THSD4: variants seen among roughly 807,000 people sequenced by gnomAD.
THSD4 encodes the protein thrombospondin type-1 domain-containing protein 4.
In THSD4, 69 loss-of-function variants were observed where a neutral mutation model predicts 119.0. The ratio of observed to expected loss-of-function variants is 0.58; its 90% CI spans 0.48 to 0.71. THSD4 has a LOEUF of 0.71. Among genes scored for constraint, THSD4 ranks in the 30% least tolerant of loss-of-function variants. The pLI is 0.00. For synonymous variants in THSD4, 524 were observed against 540.4 expected, an observed-to-expected ratio of 0.97 and a Z score of 0.42; for missense variants, 1,393 against 1,391.1, an observed-to-expected ratio of 1.00 and a Z score of -0.02.
chr15:71,365,810 A>G (rs2045954431), intron 6 of THSD4, among the ~76,000 whole-genome samples: 1 of 152,172 alleles, frequency 6.6e-6, no homozygotes, highest in African/African-American at 2.4e-5. Flanking sequence ...TTGAAAACTC[A>G]GGTAGTCTCA....
intron 7 of THSD4, among the ~76,000 whole-genome samples, chr15:71,611,491 C>T (rs545538448): frequency 2.0e-5 from 3 of 152,208 alleles, no homozygotes; most frequent in Non-Finnish European, 2.9e-5. Context: ...ACAGTGAAAA[C>T]GCTACAGTGC....
chr15:71,295,542 G>A (rs991147921), intron 6 of THSD4, among the ~76,000 whole-genome samples: 6 of 152,258 alleles, frequency 3.9e-5, no homozygotes, highest in African/African-American at 1.4e-4. Context: ...AGGCAATCTG[G>A]CTCTGTATGA....
chr15:71,718,742 A>C (rs1385136652), intron 8 of THSD4, among the ~76,000 whole-genome samples: 1 of 151,944 alleles, frequency 6.6e-6, no homozygotes, highest in Non-Finnish European at 1.5e-5. Context: ...GTCTTTGTCC[A>C]TGCCATTCTT....
chr15:71,236,957 A>ATTAT (rs1334300842), intron 4 of THSD4, among the ~76,000 whole-genome samples: 1 of 152,228 alleles, frequency 6.6e-6, no homozygotes, highest in Non-Finnish European at 1.5e-5. Flanking sequence ...TGACTAGGTC[A>ATTAT]TTATTTTGGG....
At chr15:71,422,819 C>T (rs571482600) in intron 7 of THSD4, among the ~76,000 whole-genome samples, 26 of 152,276 alleles carry the variant, frequency 1.7e-4, no homozygotes, top group African/African-American at 5.1e-4. Flanking sequence ...AAATACCATT[C>T]GGGAGCCAGG....
At chr15:71,619,884 A>C (rs968350341) in intron 7 of THSD4, among the ~76,000 whole-genome samples, 1 of 152,200 alleles carries the variant, frequency 6.6e-6, no homozygotes, top group African/African-American at 2.4e-5. Flanking sequence ...ACGTTGTTTA[A>C]CTATTTCTTA....
At chr15:71,123,961 A>G (rs1169032865) in intron 1 of THSD4, among the ~76,000 whole-genome samples, 4 of 152,138 alleles carry the variant, frequency 2.6e-5, no homozygotes, top group African/African-American at 9.7e-5. Flanking sequence ...CACATTGCAC[A>G]GTGGGCTCAC....
chr15:71,758,927 T>G (rs1436389971), intron 15 of THSD4, among the ~76,000 whole-genome samples: 1 of 152,214 alleles, frequency 6.6e-6, no homozygotes, highest in East Asian at 1.9e-4. Flanking sequence ...AATGTTCCTT[T>G]GCCTTAACCC....
intron 4 of THSD4, among the ~76,000 whole-genome samples, chr15:71,216,269 T>C (rs746512727): frequency 6.6e-6 from 1 of 152,374 alleles, no homozygotes; most frequent in African/African-American, 2.4e-5. Flanking sequence ...GTAATTCATT[T>C]GTCAAGCCCT....
intron 7 of THSD4, among the ~76,000 whole-genome samples, chr15:71,457,134 A>G (rs2047350809): frequency 6.6e-6 from 1 of 152,132 alleles, no homozygotes; most frequent in African/African-American, 2.4e-5. Context: ...CAATCCCAGC[A>G]ATTTGGGAGG....
chr15:71,580,640 A>G (rs1567046324), intron 7 of THSD4, among the ~76,000 whole-genome samples: 1 of 152,102 alleles, frequency 6.6e-6, no homozygotes, highest in Non-Finnish European at 1.5e-5. Context: ...CATCTCTCCA[A>G]CATGAAGTTC....
intron 7 of THSD4, among the ~76,000 whole-genome samples, chr15:71,597,683 C>T (rs2049930303): frequency 6.6e-6 from 1 of 152,158 alleles, no homozygotes; most frequent in Non-Finnish European, 1.5e-5. Flanking sequence ...TGCATATGTC[C>T]CACCCCCAAG....
intron 6 of THSD4, among the ~76,000 whole-genome samples, chr15:71,260,569 T>C (rs928645067): frequency 6.6e-6 from 1 of 152,210 alleles, no homozygotes; most frequent in African/African-American, 2.4e-5. Flanking sequence ...AAAGGTATTT[T>C]GTTGGTCATG....
intron 6 of THSD4, among the ~76,000 whole-genome samples, chr15:71,270,526 C>G (rs2044515866): frequency 6.6e-6 from 1 of 152,184 alleles, no homozygotes; most frequent in Non-Finnish European, 1.5e-5. Flanking sequence ...CACAATTACC[C>G]CATCAGGTGG....
chr15:71,145,046 G>T (rs554982142), intron 2 of THSD4, among the ~76,000 whole-genome samples: 1 of 149,308 alleles, frequency 6.7e-6, no homozygotes, highest in South Asian at 2.1e-4. Context: ...ATCTTTATTT[G>T]TTTGTTCAGT....
intron 8 of THSD4, among the ~76,000 whole-genome samples, chr15:71,686,318 C>T (rs1335876749): frequency 6.6e-6 from 1 of 152,148 alleles, no homozygotes; most frequent in Admixed American, 6.5e-5. Flanking sequence ...GCTGTTAATA[C>T]CTGATTGTAT....
intron 7 of THSD4, among the ~76,000 whole-genome samples, chr15:71,639,836 CAAAAAA>C (rs56797617): frequency 7.1e-6 from 1 of 140,582 alleles, no homozygotes; most frequent in Admixed American, 7.1e-5. Flanking sequence ...TTTTATTTAG[CAAAAAA>C]AAAAAAAAGA....
intron 7 of THSD4, among the ~76,000 whole-genome samples, chr15:71,584,255 T>TC (rs141433090): frequency 0.21 from 27,822 of 129,872 alleles, 4,008 homozygotes; most frequent in Non-Finnish European, 0.31. Context: ...ATTTTTTTTT[T>TC]CACTTTCTTT....
At chr15:71,723,984 A>C (rs964609625) in intron 8 of THSD4, among the ~76,000 whole-genome samples, 3 of 150,340 alleles carry the variant, frequency 2.0e-5, no homozygotes, top group Non-Finnish European at 4.4e-5. Flanking sequence ...TGAGCCTGGG[A>C]GGAGGAGGTT....
Sources: gnomAD v4.1 joint callset for allele counts (sites outside exome capture counted in the v4.1 genomes callset) on GRCh38, gnomAD v4.1.1 for gene constraint, MANE v1.5 for transcripts, NCBI Gene and HGNC (gene_info 2026-07-23, HGNC 2026-07-21) for gene names.